PLPP1: variants seen among roughly 807,000 people sequenced by gnomAD.
PLPP1 encodes phospholipid phosphatase 1, also known as lipid phosphate phosphohydrolase 1a.
PLPP1 carries 24 observed loss-of-function variants against 31.2 expected under a neutral mutation model. The observed-to-expected ratio is 0.77, with a 90% CI of 0.56 to 1.08. The LOEUF (loss-of-function observed/expected upper bound fraction) is 1.08, where lower values mean the gene tolerates loss of function less well. Ranked by LOEUF, PLPP1 falls within the 50% of genes least tolerant of loss-of-function variation. The probability of loss-of-function intolerance (pLI) is 0.00; values close to 1 mark genes in which losing one functional copy is unlikely to be tolerated. For synonymous variants in PLPP1, 146 were observed against 126.3 expected, an observed-to-expected ratio of 1.16 and a Z score of -1.05; for missense variants, 319 against 342.7, an observed-to-expected ratio of 0.93 and a Z score of 0.55.
chr5:55,534,810 T>A lies in PLPP1; in HGVS notation c.-181A>T. The A allele has an allele frequency of 1.7e-6, 1 of 588,220 alleles. No homozygotes were observed. The highest frequency in any genetic ancestry group is 2.3e-5 in the South Asian group (1 of 44,078). The allele number at this position is 588,220 out of a possible 1,614,324, so 36.4% of individuals were successfully genotyped here. A position where few individuals can be genotyped will look rare whatever the true frequency, so the allele number is the denominator to read the frequency against. On this transcript the variant is annotated 5_prime_UTR_variant, in exon 1 of 6. Transcript: ENST00000307259. ...CGGGCGGCGCTCCCACCGCCAGCAATGGCGCCCGGGGCCCTCCCCTCACAG... is the reference window on the plus strand; with the variant it reads ...CGGGCGGCGCTCCCACCGCCAGCAAAGGCGCCCGGGGCCCTCCCCTCACAG...
chr5:55,494,956 TAAAAAAAATAC>T (rs1752973137), intron 1 of PLPP1, among the ~76,000 whole-genome samples: 1 of 45,002 alleles, frequency 2.2e-5, no homozygotes, highest in African/African-American at 7.2e-5. Context: ...CTGTCTCTAC[TAAAAAAAATAC>T]AAAAAAAAAA....
At chr5:55,513,743 C>A (rs747943508) in intron 1 of PLPP1, among the ~76,000 whole-genome samples, 31 of 152,138 alleles carry the variant, frequency 2.0e-4, no homozygotes, top group Admixed American at 3.9e-4. Context: ...CTGGACAACA[C>A]AGTGAGACCA....
intron 1 of PLPP1, among the ~76,000 whole-genome samples, chr5:55,518,441 G>A (rs1039609757): frequency 4.6e-5 from 7 of 152,018 alleles, no homozygotes; most frequent in African/African-American, 1.7e-4. Flanking sequence ...TTACAGGCAT[G>A]AGAGACCGCG....
rs867567421 is a variant in PLPP1 at position 55,500,080 on chromosome 5, T to A, written c.59-24630A>T. Among the ~76,000 whole-genome samples, 211 of 12,278 alleles carry A rather than the reference T, an allele frequency of 0.017. 1 individual carries two copies. In the Middle Eastern group the frequency reaches 0.27, roughly 16 times the overall value. 8.1% of individuals were successfully genotyped at this position (12,278 alleles called of 152,430 possible). A position where few individuals can be genotyped will look rare whatever the true frequency, so the allele number is the denominator to read the frequency against. ...GTATAATTTGATTTCTCTAAAAATTTTTTTTTTTTTTTTTTTTGAGACAGA... is the reference window on the plus strand; with the variant it reads ...GTATAATTTGATTTCTCTAAAAATTATTTTTTTTTTTTTTTTTGAGACAGA... On this transcript the variant is annotated intron_variant, in intron 1 of 5. Coordinates refer to ENST00000307259, the MANE Select transcript of PLPP1 (RefSeq NM_003711.4).
chr5:55,471,735 C>T (rs1286099265), intron 2 of PLPP1, among the ~76,000 whole-genome samples: 1 of 152,170 alleles, frequency 6.6e-6, no homozygotes, highest in Non-Finnish European at 1.5e-5. Context: ...AAATGATTTA[C>T]TTTCTAGTAA....
chr5:55,532,070 C>CGTCA (rs1257545451), intron 1 of PLPP1, among the ~76,000 whole-genome samples: 1 of 152,164 alleles, frequency 6.6e-6, no homozygotes, highest in African/African-American at 2.4e-5. Flanking sequence ...ATCTTATTGA[C>CGTCA]AGCTATTGTA....
intron 3 of PLPP1, among the ~76,000 whole-genome samples, chr5:55,456,476 A>G: frequency 6.6e-6 from 1 of 152,224 alleles, no homozygotes; most frequent in Non-Finnish European, 1.5e-5. Flanking sequence ...AAGCATCATA[A>G]TTTTATAATT....
intron 1 of PLPP1, among the ~76,000 whole-genome samples, chr5:55,525,862 T>TC (rs543015124): frequency 3.3e-5 from 5 of 152,122 alleles, no homozygotes; most frequent in Admixed American, 6.5e-5. Flanking sequence ...GCAAATGCTT[T>TC]TTTTTTTGAA....
At chr5:55,503,271 T>C (rs778012012) in intron 1 of PLPP1, among the ~76,000 whole-genome samples, 1 of 152,242 alleles carries the variant, frequency 6.6e-6, no homozygotes, top group African/African-American at 2.4e-5. Flanking sequence ...TTTATGCTTA[T>C]AACATATCAT....
Position 55,475,374 on chromosome 5 carries a change from G to T in PLPP1, c.135C>A (p.Ile45=), listed in dbSNP as rs754430528. 5 of 1,612,176 alleles carry T rather than the reference G, an allele frequency of 3.1e-6. No homozygotes were observed. In the South Asian group the frequency reaches 5.5e-5, roughly 18 times the overall value. ...TGGTGTCTTCTTTGTAAGGGTACTT[G>T]ATGGACTCATCATTACAGAATACTC... is the stretch of plus-strand genomic sequence containing the variant. ...QRGVFCNDES[I]KYPYKEDTIP... is the part of the protein sequence containing the mutation. Residue 45 remains isoleucine (I), a synonymous_variant, in exon 2 of 6, where the codon ATC becomes ATA. Coordinates refer to ENST00000307259, the MANE Select transcript of PLPP1 (RefSeq NM_003711.4).
At chr5:55,458,534 T>C (rs917746796) in intron 3 of PLPP1, among the ~76,000 whole-genome samples, 2 of 151,632 alleles carry the variant, frequency 1.3e-5, no homozygotes, top group Admixed American at 6.6e-5. Context: ...TAAAAAAAAA[T>C]TGTTTCATAC....
intron 4 of PLPP1, among the ~76,000 whole-genome samples, chr5:55,431,198 A>G (rs1044283239): frequency 6.6e-6 from 1 of 152,214 alleles, no homozygotes; most frequent in African/African-American, 2.4e-5. Flanking sequence ...ACACCCAGGC[A>G]CAGGAAGCTT....
At chr5:55,526,931 CAAA>C (rs34267008) in intron 1 of PLPP1, among the ~76,000 whole-genome samples, 1 of 75,526 alleles carries the variant, frequency 1.3e-5, no homozygotes, top group Non-Finnish European at 2.3e-5. Context: ...GATTCCATCT[CAAA>C]AAAAAAAAAA....
intron 3 of PLPP1, among the ~76,000 whole-genome samples, chr5:55,460,241 C>G (rs1307059814): frequency 6.6e-6 from 1 of 151,912 alleles, no homozygotes; most frequent in Non-Finnish European, 1.5e-5. Flanking sequence ...AGCTAGTGAT[C>G]TAAGCATCTA....
chr5:55,527,872 T>C (rs1740527001), intron 1 of PLPP1, among the ~76,000 whole-genome samples: 1 of 152,060 alleles, frequency 6.6e-6, no homozygotes, highest in Admixed American at 6.6e-5. Flanking sequence ...CAACACTAAA[T>C]CCAGCAAGAG....
At chr5:55,524,435 G>A (rs1183838834) in intron 1 of PLPP1, among the ~76,000 whole-genome samples, 2 of 152,182 alleles carry the variant, frequency 1.3e-5, no homozygotes. Context: ...GTTTTTCCTT[G>A]CTGCCTGTTT....
intron 3 of PLPP1, among the ~76,000 whole-genome samples, chr5:55,461,437 C>T (rs940742800): frequency 2.6e-5 from 4 of 151,550 alleles, no homozygotes; most frequent in African/African-American, 9.7e-5. Flanking sequence ...AGTATATACC[C>T]CAGGGATAAA....
At chr5:55,438,601 A>AG (rs1215971868) in intron 4 of PLPP1, among the ~76,000 whole-genome samples, 1 of 152,060 alleles carries the variant, frequency 6.6e-6, no homozygotes, top group Non-Finnish European at 1.5e-5. Flanking sequence ...TGGGGCTTAG[A>AG]GGTTAAATGT....
At position 55,425,015 on chromosome 5, in the gene PLPP1, A is replaced by C; in HGVS notation, c.*191T>G. On this transcript the variant is annotated 3_prime_UTR_variant, in exon 6 of 6. Coordinates refer to ENST00000307259, the MANE Select transcript of PLPP1 (RefSeq NM_003711.4). Reference sequence around the variant, plus strand: ...TGGAAGGCTTGGAGTTTTTTTAATGAGTTTAGAGCTATTAGATAACCACTG... The same window carrying C: ...TGGAAGGCTTGGAGTTTTTTTAATGCGTTTAGAGCTATTAGATAACCACTG... 1.3e-6 allele frequency: 1 copy of C among 781,480 alleles called. No homozygotes were observed. Among genetic ancestry groups the C allele is most frequent in the Non-Finnish European group, 2.0e-6 (1 of 501,206 alleles). The allele number at this position is 781,480 out of a possible 1,614,324, so 48.4% of individuals were successfully genotyped here.
Sources: gnomAD v4.1 joint callset for allele counts (sites outside exome capture counted in the v4.1 genomes callset) on GRCh38, gnomAD v4.1.1 for gene constraint, MANE v1.5 for transcripts, NCBI Gene and HGNC (gene_info 2026-07-23, HGNC 2026-07-21) for gene names.